SLC37A1: variants seen among roughly 807,000 people sequenced by gnomAD.
The protein encoded by SLC37A1 is glucose-6-phosphate exchanger SLC37A1.
Under a neutral mutation model 75.3 loss-of-function variants are expected in SLC37A1, and 49 were observed. The ratio of observed to expected loss-of-function variants is 0.65; its 90% CI spans 0.52 to 0.83. The LOEUF (loss-of-function observed/expected upper bound fraction) is 0.83, where lower values mean the gene tolerates loss of function less well. Among genes scored for constraint, SLC37A1 ranks in the 40% least tolerant of loss-of-function variants. SLC37A1 has a pLI of 0.00. For synonymous variants in SLC37A1, 268 were observed against 292.1 expected (o/e 0.92, Z 0.84); for missense variants, 566 against 695.0 (o/e 0.81, Z 2.09).
intron 8 of SLC37A1, among the ~76,000 whole-genome samples, chr21:42,544,281 C>T (rs150015891): frequency 6.6e-6 from 1 of 152,292 alleles, no homozygotes; most frequent in African/African-American, 2.4e-5. Flanking sequence ...GAGTTTAAAC[C>T]ATATGGCAGG....
chr21:42,564,828 T>G (rs1365505743), intron 14 of SLC37A1, 35 bp downstream of exon 14: 1 of 1,584,278 alleles, frequency 6.3e-7, no homozygotes, highest in South Asian at 1.1e-5. Context: ...CCCCAAAGCC[T>G]GCAGACAGTC....
intron 17 of SLC37A1, among the ~76,000 whole-genome samples, chr21:42,568,719 C>T (rs2056046097): frequency 6.6e-6 from 1 of 152,212 alleles, no homozygotes; most frequent in South Asian, 2.1e-4. Context: ...CTCAGGTCCA[C>T]TCATTATTTA....
chr21:42,537,651 G>A (rs1303640400), intron 5 of SLC37A1, among the ~76,000 whole-genome samples: 3 of 152,126 alleles, frequency 2.0e-5, no homozygotes, highest in East Asian at 3.8e-4. Context: ...CAGAATTACC[G>A]GAGCCAAAGT....
chr21:42,532,374 G>C (rs183825268), intron 3 of SLC37A1, among the ~76,000 whole-genome samples: 1 of 152,340 alleles, frequency 6.6e-6, no homozygotes, highest in East Asian at 1.9e-4. Context: ...CCAGGTTAAT[G>C]TTAGAAACTT....
intron 8 of SLC37A1, among the ~76,000 whole-genome samples, chr21:42,543,872 A>G (rs228076): frequency 1.3e-5 from 2 of 152,136 alleles, no homozygotes; most frequent in Non-Finnish European, 2.9e-5. Flanking sequence ...CGGCATCAGG[A>G]GTTCATGCAT....
At chr21:42,553,925 T>G in intron 9 of SLC37A1, 137 bp from the exon 10 acceptor site, 1 of 577,336 alleles carries the variant, frequency 1.7e-6, no homozygotes, top group Non-Finnish European at 3.0e-6. Context: ...CAACCATTAT[T>G]CTGTTTAAAT....
chr21:42,537,697 G>A (rs2055174670), intron 5 of SLC37A1, among the ~76,000 whole-genome samples: 1 of 152,228 alleles, frequency 6.6e-6, no homozygotes, highest in Non-Finnish European at 1.5e-5. Flanking sequence ...CCTGCTTTAA[G>A]TAAATAAACT....
At chr21:42,574,221 T>C (rs1044078308) in intron 17 of SLC37A1, among the ~76,000 whole-genome samples, 1 of 152,264 alleles carries the variant, frequency 6.6e-6, no homozygotes, top group Non-Finnish European at 1.5e-5. Context: ...TATTAGTATC[T>C]ACAATTCTTA....
chr21:42,522,902 G>A (rs746158696), intron 2 of SLC37A1, among the ~76,000 whole-genome samples: 43 of 152,238 alleles, frequency 2.8e-4, no homozygotes, highest in Non-Finnish European at 8.8e-5. Context: ...GGCGTGTGCT[G>A]TGAGCACCAG....
intron 2 of SLC37A1, among the ~76,000 whole-genome samples, chr21:42,524,463 C>T (rs875061): frequency 0.32 from 49,102 of 152,150 alleles, 8,185 homozygotes; most frequent in African/African-American, 0.37. Flanking sequence ...GTTTCTGTCA[C>T]TGGCCTATTG....
At chr21:42,561,489 G>C (rs1240877263) in intron 11 of SLC37A1, 1 of 157,678 alleles carries the variant, frequency 6.3e-6, no homozygotes, top group Non-Finnish European at 1.4e-5. Flanking sequence ...GGTCGGAATT[G>C]TTTCATCTGT....
At chr21:42,563,135 T>G (rs2055876129) in intron 12 of SLC37A1, among the ~76,000 whole-genome samples, 2 of 152,168 alleles carry the variant, frequency 1.3e-5, no homozygotes, top group South Asian at 4.1e-4. Flanking sequence ...GTTCCTTCCC[T>G]GCCTTGTGAC....
intron 3 of SLC37A1, among the ~76,000 whole-genome samples, chr21:42,532,601 G>A (rs1296528984): frequency 1.3e-5 from 2 of 152,172 alleles, no homozygotes; most frequent in Non-Finnish European, 2.9e-5. Context: ...GGCGGCGGGT[G>A]AACAGAGAAA....
At chr21:42,526,514 C>T (rs1042355538) in intron 3 of SLC37A1, among the ~76,000 whole-genome samples, 9 of 152,284 alleles carry the variant, frequency 5.9e-5, no homozygotes, top group Non-Finnish European at 1.0e-4. Context: ...GCCCAGTGGC[C>T]CCTCGCTCAC....
Position 42,535,565 on chromosome 21 carries a change from G to A in SLC37A1, c.350+15G>A. Reference sequence around the variant, plus strand: ...ATGTACCTCAGGTAGGTCTCCTTCAGTTTTCCAGACCCTTCCTGGTTACCT... The same window carrying A: ...ATGTACCTCAGGTAGGTCTCCTTCAATTTTCCAGACCCTTCCTGGTTACCT... On this transcript the variant is annotated intron_variant, in intron 5 of 19. Transcript: ENST00000352133. 1 of 1,611,866 alleles carries A rather than the reference G, an allele frequency of 6.2e-7. No homozygotes were observed. Among genetic ancestry groups the A allele is most frequent in the Non-Finnish European group, 8.5e-7 (1 of 1,177,922 alleles).
At chr21:42,559,872 T>C (rs2055783329) in intron 11 of SLC37A1, among the ~76,000 whole-genome samples, 1 of 99,172 alleles carries the variant, frequency 1.0e-5, no homozygotes, top group Admixed American at 1.2e-4. Flanking sequence ...CAAGACTCTG[T>C]CTCAAAAAAA....
At chr21:42,524,136 T>G (rs143944720) in intron 2 of SLC37A1, among the ~76,000 whole-genome samples, 276 of 152,222 alleles carry the variant, frequency 1.8e-3, no homozygotes, top group African/African-American at 6.4e-3. Flanking sequence ...AGGTAATTAT[T>G]GATTCAGGTT....
At chr21:42,532,202 AAAACTAGG>A (rs1020072789) in intron 3 of SLC37A1, among the ~76,000 whole-genome samples, 1 of 152,222 alleles carries the variant, frequency 6.6e-6, no homozygotes, top group African/African-American at 2.4e-5. Flanking sequence ...ATTACATAAC[AAAACTAGG>A]AAAACTTTTC....
intron 11 of SLC37A1, among the ~76,000 whole-genome samples, chr21:42,560,988 A>C (rs1432586765): frequency 2.0e-5 from 3 of 152,226 alleles, no homozygotes; most frequent in African/African-American, 7.2e-5. Flanking sequence ...CTCATCTGTC[A>C]CACGGGTTCC....
Sources: allele counts gnomAD v4.1 joint callset (sites outside exome capture counted in the v4.1 genomes callset), GRCh38; gene constraint gnomAD v4.1.1; transcripts MANE v1.5; gene names NCBI Gene and HGNC (gene_info 2026-07-23, HGNC 2026-07-21).